Variants in CACNA1C observed in about 807,000 individuals in gnomAD.
CACNA1C encodes the protein voltage-dependent L-type calcium channel subunit alpha-1C.
Under a neutral mutation model 229.0 loss-of-function variants are expected in CACNA1C, and 30 were observed. The ratio of observed to expected loss-of-function variants is 0.13; its 90% confidence interval spans 0.10 to 0.18. The LOEUF is 0.18. CACNA1C is among the 10% of genes least tolerant of loss of function. CACNA1C has a pLI of 1.00. For synonymous variants in CACNA1C, 1,114 were observed against 1,132.5 expected (o/e 0.98, Z 0.33); for missense variants, 1,658 against 2,845.0 (o/e 0.58, Z 9.49).
In CACNA1C at chr12:2,584,567, A is replaced by T. The variant is rs2061711741; in HGVS notation, c.2289A>T (p.Thr763=). 1 of 1,613,800 alleles carries T rather than the reference A, an allele frequency of 6.2e-7. No homozygotes were observed. The highest frequency in any genetic ancestry group is 1.3e-5 in the African/African-American group (1 of 75,038). ...ACCTGGCTGATGCTGAGAGCCTCAC[A>T]TCTGCCCAAAAGGAGGAGGAAGAGG... ...VDNLADAESL[T]SAQKEEEEEK... is the part of the protein sequence containing the mutation. The change falls in exon 16 of 47, where the codon ACA becomes ACT. Residue 763 remains threonine, a synonymous_variant. Coordinates refer to ENST00000399655, the MANE Select transcript of CACNA1C (RefSeq NM_000719.7).
At chr12:2,428,322 C>T (rs2099052185) in intron 3 of CACNA1C, among the ~76,000 whole-genome samples, 1 of 152,198 alleles carries the variant, frequency 6.6e-6, no homozygotes, top group South Asian at 2.1e-4. Context: ...GGGTCCTCCC[C>T]TGCCTTTCAG....
chr12:2,585,364 C>G lies in CACNA1C; in HGVS notation c.2340-12C>G, dbSNP rs753762013. On this transcript the variant is annotated splice_polypyrimidine_tract_variant and intron_variant, in intron 16 of 46. Coordinates refer to ENST00000399655, the MANE Select transcript of CACNA1C (RefSeq NM_000719.7). The surrounding 1 kb of genome is among the most constrained non-coding windows in gnomAD (Gnocchi z 4.1). ...AACAGCCATTTATTTTTTTCTGCTG[C>G]TGACTGGCCAGGACTGCCAGCCCAG... is the stretch of plus-strand genomic sequence containing the variant. 6.2e-6 allele frequency: 10 copies of G among 1,609,250 alleles called. No homozygotes were observed. In the African/African-American group the frequency reaches 1.2e-4, roughly 19 times the overall value.
chr12:2,159,522 A>G (rs1376250927), intron 3 of CACNA1C, among the ~76,000 whole-genome samples: 1 of 151,928 alleles, frequency 6.6e-6, no homozygotes, highest in African/African-American at 2.4e-5. Context: ...AATTAAATGT[A>G]TGCATAAGAG....
At chr12:2,236,514 A>G (rs1040030856) in intron 3 of CACNA1C, among the ~76,000 whole-genome samples, 3 of 152,198 alleles carry the variant, frequency 2.0e-5, no homozygotes, top group Admixed American at 2.0e-4. Flanking sequence ...CTAGGACTCT[A>G]ATGGAAAATG....
At chr12:2,335,566 C>G (rs922892746) in intron 3 of CACNA1C, among the ~76,000 whole-genome samples, 3 of 152,210 alleles carry the variant, frequency 2.0e-5, no homozygotes, top group Non-Finnish European at 2.9e-5. Context: ...CCTCCTGTCC[C>G]TGGAAGGCAG....
At chr12:2,497,786 T>C (rs1367806405) in intron 7 of CACNA1C, among the ~76,000 whole-genome samples, 2 of 152,112 alleles carry the variant, frequency 1.3e-5, no homozygotes, top group Non-Finnish European at 2.9e-5. Flanking sequence ...AAAAGAAAGA[T>C]TTTTTTAGAG....
intron 1 of CACNA1C, among the ~76,000 whole-genome samples, chr12:1,988,559 G>A (rs1316973118): frequency 2.6e-5 from 4 of 152,168 alleles, no homozygotes; most frequent in East Asian, 3.8e-4. Flanking sequence ...ATTACAGCAC[G>A]CTTCCTATTT....
At chr12:2,032,474 C>T (rs1594076319) in intron 1 of CACNA1C, among the ~76,000 whole-genome samples, 1 of 152,088 alleles carries the variant, frequency 6.6e-6, no homozygotes, top group Non-Finnish European at 1.5e-5. Context: ...TGTTTGTCAA[C>T]GTTAAGACAG....
chr12:2,106,434 T>C (rs796748152), intron 1 of CACNA1C, among the ~76,000 whole-genome samples: 92 of 65,104 alleles, frequency 1.4e-3, no homozygotes, highest in African/African-American at 3.5e-3. Flanking sequence ...GCGCCCACCC[T>C]GGGGAGGGTT....
intron 3 of CACNA1C, among the ~76,000 whole-genome samples, chr12:2,276,951 C>T (rs1175940134): frequency 6.6e-6 from 1 of 152,104 alleles, no homozygotes; most frequent in Non-Finnish European, 1.5e-5. Flanking sequence ...CTCCATAAAA[C>T]TACCTGGAGC....
At chr12:2,618,113 G>T (rs936230829) in intron 29 of CACNA1C, among the ~76,000 whole-genome samples, 3 of 152,240 alleles carry the variant, frequency 2.0e-5, no homozygotes, top group Non-Finnish European at 4.4e-5. Context: ...TGTTTTAGGT[G>T]TTGGAGTCTG....
intron 3 of CACNA1C, among the ~76,000 whole-genome samples, chr12:2,357,022 G>T (rs567628862): frequency 1.4e-4 from 21 of 152,192 alleles, no homozygotes; most frequent in Non-Finnish European, 3.1e-4. Context: ...CATCCTCCAT[G>T]GGGTCTTGAA....
chr12:1,977,264 C>T (rs1318042129), intron 1 of CACNA1C, among the ~76,000 whole-genome samples: 1 of 152,128 alleles, frequency 6.6e-6, no homozygotes, highest in African/African-American at 2.4e-5. Flanking sequence ...TTAGCATGCT[C>T]GGCCATGATG....
At chr12:1,993,020 A>G (rs2039842142) in intron 1 of CACNA1C, 2 of 652,094 alleles carry the variant, frequency 3.1e-6, no homozygotes, top group Non-Finnish European at 5.3e-6. Flanking sequence ...CTACAAATCC[A>G]TAAAGCTTCA....
chr12:2,557,503 C>A (rs888151946), intron 11 of CACNA1C, among the ~76,000 whole-genome samples: 6 of 152,196 alleles, frequency 3.9e-5, no homozygotes, highest in Non-Finnish European at 8.8e-5. Context: ...TTTGTTCCCC[C>A]TACAAGGAAC....
At chr12:2,212,311 A>G (rs1401398205) in intron 3 of CACNA1C, among the ~76,000 whole-genome samples, 1 of 152,222 alleles carries the variant, frequency 6.6e-6, no homozygotes, top group Non-Finnish European at 1.5e-5. Flanking sequence ...CAAGGAAAGA[A>G]ACCGGGAATC....
At chr12:2,325,612 C>T (rs2283298) in intron 3 of CACNA1C, among the ~76,000 whole-genome samples, 17,295 of 152,288 alleles carry the variant, frequency 0.11, 1,068 homozygotes, top group South Asian at 0.16. Context: ...TGAAGTTACG[C>T]ACACAAAGTG....
intron 13 of CACNA1C, among the ~76,000 whole-genome samples, chr12:2,572,769 T>C (rs111219371): frequency 6.4e-5 from 6 of 93,414 alleles, no homozygotes; most frequent in East Asian, 3.6e-4. Context: ...CCTTCTTCTG[T>C]TCCTCCTTCT....
intron 3 of CACNA1C, among the ~76,000 whole-genome samples, chr12:2,217,053 A>G (rs1344247641): frequency 6.6e-6 from 1 of 152,278 alleles, no homozygotes; most frequent in Non-Finnish European, 1.5e-5. Context: ...GTATATACAT[A>G]CAGTGGAATA....
Sources: gnomAD v4.1 joint callset for allele counts (sites outside exome capture counted in the v4.1 genomes callset) on GRCh38, gnomAD v4.1.1 for gene constraint, Gnocchi (gnomAD v3.1) non-coding constraint, MANE v1.5 for transcripts, NCBI Gene and HGNC (gene_info 2026-07-23, HGNC 2026-07-21) for gene names.